ARFIP1: variants seen among roughly 807,000 people sequenced by gnomAD.
ARFIP1 encodes arfaptin-1.
A neutral mutation model predicts 42.5 loss-of-function variants in ARFIP1; 24 were observed. The ratio of observed to expected loss-of-function variants is 0.57; its 90% CI spans 0.41 to 0.80. The LOEUF is 0.80. Ranked by LOEUF, ARFIP1 falls within the 30% of genes least tolerant of loss-of-function variation. ARFIP1 has a pLI of 0.00. For synonymous variants in ARFIP1, 141 were observed against 153.7 expected (o/e 0.92, Z 0.61); for missense variants, 354 against 434.0 (o/e 0.82, Z 1.64).
In ARFIP1 at chr4:152,816,246, C is replaced by G. The variant is rs1259996192; in HGVS notation, c.-9-13379C>G. Among the ~76,000 whole-genome samples the G allele has an allele frequency of 3.3e-5, 5 of 152,230 alleles. 1 individual carries two copies. Among genetic ancestry groups the G allele is most frequent in the Admixed American group, 3.3e-4 (5 of 15,288 alleles). ...TTACCCCACTGTTCAAAACTCTCAG[C>G]TAGATTTTCATCTTACTCAGAATAA... On this transcript the variant is annotated intron_variant, in intron 1 of 8. Transcript: ENST00000353617.
At chr4:152,869,057 C>T (rs1734650868) in intron 3 of ARFIP1, among the ~76,000 whole-genome samples, 1 of 152,052 alleles carries the variant, frequency 6.6e-6, no homozygotes, top group Non-Finnish European at 1.5e-5. Flanking sequence ...TGAAAGTTAA[C>T]AACAATCTAT....
intron 2 of ARFIP1, among the ~76,000 whole-genome samples, chr4:152,840,978 C>T (rs569215482): frequency 2.0e-5 from 3 of 151,782 alleles, no homozygotes; most frequent in Admixed American, 6.6e-5. Flanking sequence ...CCTCGACCTC[C>T]GAAAGTGCTG....
Position 152,910,295 on chromosome 4 carries a change from G to T in ARFIP1, c.*76G>T. 6.7e-7 allele frequency: 1 copy of T among 1,501,348 alleles called. No individual in the cohort carries two copies. The highest frequency in any genetic ancestry group is 9.0e-7 in the Non-Finnish European group (1 of 1,109,610). 93.0% of individuals were successfully genotyped at this position (1,501,348 alleles called of 1,614,324 possible). A position where few individuals can be genotyped will look rare whatever the true frequency, so the allele number is the denominator to read the frequency against. On this transcript the variant is annotated 3_prime_UTR_variant, in exon 9 of 9. Transcript: ENST00000353617. The stretch of plus-strand genomic sequence containing the variant: ...ACCTAACAAGAATTAAGCAGAGTTG[G>T]GGGAAGTGGGAGGGGTGACAAGCAT...
At chr4:152,846,384 C>A (rs2149861002) in intron 2 of ARFIP1, among the ~76,000 whole-genome samples, 1 of 151,876 alleles carries the variant, frequency 6.6e-6, no homozygotes, top group South Asian at 2.1e-4. Flanking sequence ...CACACACGCA[C>A]ACACACACAC....
chr4:152,834,399 G>A (rs566836900), intron 2 of ARFIP1, among the ~76,000 whole-genome samples: 4 of 152,222 alleles, frequency 2.6e-5, no homozygotes, highest in African/African-American at 9.6e-5. Context: ...AACTAGAGAC[G>A]AATTTCTTCC....
chr4:152,910,041 T>G (rs1157553028), intron 8 of ARFIP1, 23 bp from the exon 9 acceptor site: 2 of 1,610,658 alleles, frequency 1.2e-6, no homozygotes, highest in East Asian at 4.5e-5. Flanking sequence ...ATGCTTGGTC[T>G]TGTAACTCTG....
intron 1 of ARFIP1, among the ~76,000 whole-genome samples, chr4:152,804,097 A>ATATTATATATAATATAACATG (rs1728675490): frequency 8.7e-6 from 1 of 115,314 alleles, no homozygotes; most frequent in Non-Finnish European, 1.7e-5. Context: ...AACGTAATAT[A>ATATTATATATAATATAACATG]TATTATATAT....
chr4:152,830,882 G>A (rs1374950173), intron 2 of ARFIP1, among the ~76,000 whole-genome samples: 1 of 152,180 alleles, frequency 6.6e-6, no homozygotes, highest in Non-Finnish European at 1.5e-5. Flanking sequence ...AATAGTAGAA[G>A]TGTCCACTGA....
intron 2 of ARFIP1, among the ~76,000 whole-genome samples, chr4:152,840,067 C>A (rs1731940965): frequency 6.6e-6 from 1 of 152,154 alleles, no homozygotes; most frequent in African/African-American, 2.4e-5. Context: ...TCAAAGGTTC[C>A]TTTTGGAGTT....
intron 8 of ARFIP1, among the ~76,000 whole-genome samples, chr4:152,892,279 A>T (rs1736922466): frequency 6.6e-6 from 1 of 152,162 alleles, no homozygotes; most frequent in African/African-American, 2.4e-5. Context: ...ATAATGTCCT[A>T]AAGAGTACTG....
At chr4:152,801,531 C>T (rs1728419524) in intron 1 of ARFIP1, among the ~76,000 whole-genome samples, 1 of 152,032 alleles carries the variant, frequency 6.6e-6, no homozygotes, top group African/African-American at 2.4e-5. Context: ...CGGATTTCAC[C>T]ATATTTGCCT....
intron 1 of ARFIP1, among the ~76,000 whole-genome samples, chr4:152,809,052 A>C (rs1729241295): frequency 6.6e-6 from 1 of 151,636 alleles, no homozygotes; most frequent in Admixed American, 6.6e-5. Flanking sequence ...ACCCGTCTCA[A>C]AAAAAAAATA....
At chr4:152,910,027 GT>G in intron 8 of ARFIP1, 36 bp from the exon 9 acceptor site, 1 of 1,602,596 alleles carries the variant, frequency 6.2e-7, no homozygotes, top group Non-Finnish European at 8.5e-7. Flanking sequence ...TGTTATTGGT[GT>G]TAATGCTTGG....
intron 8 of ARFIP1, among the ~76,000 whole-genome samples, chr4:152,899,370 G>T (rs1230654056): frequency 6.6e-6 from 1 of 152,130 alleles, no homozygotes; most frequent in Non-Finnish European, 1.5e-5. Context: ...CTGTAACTAT[G>T]GACTTCTGTG....
intron 1 of ARFIP1, among the ~76,000 whole-genome samples, chr4:152,823,775 T>C (rs1463957618): frequency 3.4e-4 from 11 of 32,618 alleles, no homozygotes; most frequent in African/African-American, 1.6e-3. Context: ...AGTCTCCATC[T>C]CAAAAAAAAA....
At chr4:152,878,745 G>GA (rs1446306922) in intron 5 of ARFIP1, among the ~76,000 whole-genome samples, 1 of 151,968 alleles carries the variant, frequency 6.6e-6, no homozygotes, top group Non-Finnish European at 1.5e-5. Context: ...TTCTGTGGGG[G>GA]AAAAAAAGGC....
intron 2 of ARFIP1, among the ~76,000 whole-genome samples, chr4:152,855,261 A>G (rs1306082419): frequency 6.6e-6 from 1 of 151,538 alleles, no homozygotes; most frequent in Admixed American, 6.6e-5. Context: ...CCCCCAGACT[A>G]TGTGTTCTGG....
intron 2 of ARFIP1, among the ~76,000 whole-genome samples, chr4:152,856,145 C>A (rs1160943883): frequency 6.6e-6 from 1 of 152,144 alleles, no homozygotes; most frequent in Non-Finnish European, 1.5e-5. Context: ...GTTAGGTAAT[C>A]AGAATTATCT....
intron 1 of ARFIP1, among the ~76,000 whole-genome samples, chr4:152,803,355 G>A (rs1194161074): frequency 6.6e-6 from 1 of 152,136 alleles, no homozygotes; most frequent in Non-Finnish European, 1.5e-5. Flanking sequence ...ATAGCATCAG[G>A]CAATTTACAG....
Sources: gnomAD v4.1 joint callset for allele counts (sites outside exome capture counted in the v4.1 genomes callset) on GRCh38, gnomAD v4.1.1 for gene constraint, MANE v1.5 for transcripts, NCBI Gene and HGNC (gene_info 2026-07-23, HGNC 2026-07-21) for gene names.